Variants in CCDC146 observed in about 807,000 individuals in gnomAD.
CCDC146 encodes coiled-coil domain-containing protein 146.
CCDC146 carries 92 observed loss-of-function variants against 119.3 expected under a neutral mutation model. The ratio of observed to expected loss-of-function variants is 0.77; its 90% CI spans 0.65 to 0.92. The LOEUF (loss-of-function observed/expected upper bound fraction) is 0.92, where lower values mean the gene tolerates loss of function less well. Among genes scored for constraint, CCDC146 ranks in the 40% least tolerant of loss-of-function variants. The pLI is 0.00. For missense variants in CCDC146, 1,000 were observed against 1,103.0 expected (o/e 0.91, Z 1.32); for synonymous variants, 372 against 371.8 (o/e 1.00, Z -0.01).
At position 77,242,772 on chromosome 7, in the gene CCDC146, G is replaced by C. The variant is rs539906876; in HGVS notation, c.449+872G>C. Among the ~76,000 whole-genome samples the C allele has an allele frequency of 5.3e-5, 8 of 151,738 alleles. 1 individual carries two copies. In the South Asian group the frequency reaches 1.7e-3, roughly 32 times the overall value. On this transcript the variant is annotated intron_variant, in intron 4 of 18. Transcript: ENST00000285871. ...TAAGAGTAGGTGGACTTCTGACAGT[G>C]CAAATATAATTCAGTCCTTCCTAGA...
At chr7:77,206,082 T>C (rs1453871028) in intron 2 of CCDC146, among the ~76,000 whole-genome samples, 1 of 152,174 alleles carries the variant, frequency 6.6e-6, no homozygotes, top group Non-Finnish European at 1.5e-5. Flanking sequence ...CGCATGTCCA[T>C]AGATGATCCA....
intron 9 of CCDC146, among the ~76,000 whole-genome samples, chr7:77,265,826 G>A (rs1562854270): frequency 6.6e-6 from 1 of 152,222 alleles, no homozygotes; most frequent in Non-Finnish European, 1.5e-5. Flanking sequence ...GAAACAGGTG[G>A]CCTTTTGCCT....
chr7:77,215,677 A>G lies in CCDC146; in HGVS notation c.157-21270A>G, dbSNP rs1792289199. 2.0e-5 allele frequency among the ~76,000 whole-genome samples: 3 copies of G among 152,124 alleles called. 1 individual carries two copies. The stretch of plus-strand genomic sequence containing the variant: ...AGTCTTATAGATGTCTCTTTTCTCC[A>G]CATCAAAATCCTGATTTTCAATGAC... On this transcript the variant is annotated intron_variant, in intron 2 of 18. Transcript: ENST00000285871.
intron 2 of CCDC146, among the ~76,000 whole-genome samples, chr7:77,212,950 A>ATTTTTTTTTTTTTTTTT (rs5885013): frequency 9.0e-6 from 1 of 111,286 alleles, no homozygotes; most frequent in African/African-American, 3.6e-5. Context: ...GGTCACATTA[A>ATTTTTTTTTTTTTTTTT]TTTTTTTTTT....
rs147967040 is a variant in CCDC146 at position 77,198,127 on chromosome 7, C to T, written c.156+30303C>T. 208 of 985,128 alleles carry T rather than the reference C, an allele frequency of 2.1e-4. 1 individual carries two copies. Among genetic ancestry groups the T allele is most frequent in the Middle Eastern group, 2.1e-3 (4 of 1,914 alleles). The allele number at this position is 985,128 out of a possible 1,614,324, so 61.0% of individuals were successfully genotyped here. ...TGTATACCCACTGATGTCACCTAAGCGGTGAACCTTGGATTCGCAGTGTGC... is the reference window on the plus strand; with the variant it reads ...TGTATACCCACTGATGTCACCTAAGTGGTGAACCTTGGATTCGCAGTGTGC... On this transcript the variant is annotated intron_variant, in intron 2 of 18. Transcript: ENST00000285871.
At chr7:77,142,103 C>A (rs867500328) in intron 1 of CCDC146, among the ~76,000 whole-genome samples, 19 of 152,136 alleles carry the variant, frequency 1.2e-4, no homozygotes, top group African/African-American at 4.3e-4. Flanking sequence ...AACCCACAGC[C>A]AATATCATAC....
At chr7:77,213,933 G>A (rs1445248061) in intron 2 of CCDC146, among the ~76,000 whole-genome samples, 1 of 152,144 alleles carries the variant, frequency 6.6e-6, no homozygotes, top group Non-Finnish European at 1.5e-5. Flanking sequence ...AAATATAAGA[G>A]TGCAGGTGTC....
chr7:77,213,910 A>G (rs1792250818), intron 2 of CCDC146, among the ~76,000 whole-genome samples: 1 of 152,180 alleles, frequency 6.6e-6, no homozygotes, highest in Non-Finnish European at 1.5e-5. Flanking sequence ...GCTATGGTGA[A>G]TAGTGCTGCA....
At chr7:77,182,896 T>C (rs1013242073) in intron 2 of CCDC146, among the ~76,000 whole-genome samples, 1 of 152,012 alleles carries the variant, frequency 6.6e-6, no homozygotes, top group Non-Finnish European at 1.5e-5. Context: ...ACCCCACCAC[T>C]CCCAGGCCTC....
At chr7:77,278,317 T>C (rs3114329) in intron 11 of CCDC146, among the ~76,000 whole-genome samples, 139,822 of 152,242 alleles carry the variant, frequency 0.92, 64,403 homozygotes, top group African/African-American at 0.98. Context: ...TGTTCTCTTC[T>C]TTAGGTAACA....
chr7:77,225,641 CA>C (rs11335339), intron 2 of CCDC146, among the ~76,000 whole-genome samples: 18,515 of 151,600 alleles, frequency 0.12, 1,760 homozygotes, highest in East Asian at 0.28. Flanking sequence ...CTATGCTAGC[CA>C]GTAAAAAAGA....
At chr7:77,156,174 T>A (rs1198031494) in intron 1 of CCDC146, among the ~76,000 whole-genome samples, 1 of 152,228 alleles carries the variant, frequency 6.6e-6, no homozygotes, top group African/African-American at 2.4e-5. Context: ...GCGTATAATC[T>A]AAGAGGTAAC....
At chr7:77,280,285 G>A (rs1793739631) in intron 13 of CCDC146, 144 bp from the exon 14 acceptor site, 3 of 613,850 alleles carry the variant, frequency 4.9e-6, no homozygotes, top group Non-Finnish European at 2.8e-6. Context: ...ATCATAAGAT[G>A]AATATCATTA....
intron 4 of CCDC146, chr7:77,242,265 G>T (rs925732407): frequency 1.3e-5 from 6 of 463,962 alleles, no homozygotes; most frequent in South Asian, 5.0e-5. Flanking sequence ...GCACGCATCT[G>T]CATGGTGAGC....
intron 2 of CCDC146, among the ~76,000 whole-genome samples, chr7:77,184,184 G>GA (rs1000370031): frequency 5.9e-5 from 9 of 151,994 alleles, no homozygotes; most frequent in South Asian, 4.2e-4. Flanking sequence ...TCATGATACA[G>GA]AAAAAAAAGC....
chr7:77,287,395 A>G, intron 16 of CCDC146, 45 bp from the exon 17 acceptor site: 1 of 1,601,116 alleles, frequency 6.2e-7, no homozygotes, highest in Middle Eastern at 1.7e-4. Context: ...ATTTTGTCTT[A>G]GATGACTTTT....
intron 1 of CCDC146, among the ~76,000 whole-genome samples, chr7:77,144,105 G>C (rs1196804042): frequency 6.6e-6 from 1 of 151,746 alleles, no homozygotes; most frequent in Non-Finnish European, 1.5e-5. Context: ...GCAGTGGTTT[G>C]TAGTTCTCCT....
At position 77,294,995 on chromosome 7, in the gene CCDC146, AC is replaced by A; in HGVS notation, c.*130del. On this transcript the variant is annotated 3_prime_UTR_variant, in exon 19 of 19. Coordinates refer to ENST00000285871, the MANE Select transcript of CCDC146 (RefSeq NM_020879.3). ...GTAAGGTAACCACAATTAGTCAGCA[AC>A]AGAGTACAACAGGGTTTCTATTTAC... 1.4e-6 allele frequency: 1 copy of A among 694,238 alleles called. No individual in the cohort carries two copies. The highest frequency in any genetic ancestry group is 2.4e-6 in the Non-Finnish European group (1 of 420,418). 43.0% of individuals were successfully genotyped at this position (694,238 alleles called of 1,614,324 possible). A position where few individuals can be genotyped will look rare whatever the true frequency, so the allele number is the denominator to read the frequency against.
intron 4 of CCDC146, among the ~76,000 whole-genome samples, chr7:77,243,831 T>C (rs1327914007): frequency 1.3e-5 from 2 of 152,168 alleles, no homozygotes; most frequent in African/African-American, 2.4e-5. Flanking sequence ...GCTGACCCTG[T>C]GTAGGCCTAG....
Sources: allele counts gnomAD v4.1 joint callset (sites outside exome capture counted in the v4.1 genomes callset), GRCh38; gene constraint gnomAD v4.1.1; transcripts MANE v1.5; gene names NCBI Gene and HGNC (gene_info 2026-07-23, HGNC 2026-07-21).